Variants in SLC25A21 observed in about 807,000 individuals in gnomAD.
SLC25A21 encodes the protein solute carrier family 25 member 21.
A neutral mutation model predicts 43.8 loss-of-function variants in SLC25A21; 47 were observed. That is an observed-to-expected ratio of 1.07 (90% CI 0.85 to 1.37). The LOEUF is 1.37. SLC25A21 is among the 40% of genes most tolerant of loss of function. The pLI, the probability that SLC25A21 is intolerant of heterozygous loss-of-function variation, is 0.00. For missense variants in SLC25A21, 352 were observed against 350.2 expected, an observed-to-expected ratio of 1.00 and a Z score of -0.04; for synonymous variants, 131 against 121.3, an observed-to-expected ratio of 1.08 and a Z score of -0.52.
chr14:36,847,742 G>C (rs1442541031), intron 2 of SLC25A21, among the ~76,000 whole-genome samples: 5 of 152,180 alleles, frequency 3.3e-5, no homozygotes, highest in African/African-American at 1.2e-4. Context: ...GGGTGCCTGG[G>C]GGTAAACAGC....
intron 1 of SLC25A21, among the ~76,000 whole-genome samples, chr14:37,167,969 T>C (rs1964059869): frequency 6.6e-6 from 1 of 152,158 alleles, no homozygotes; most frequent in South Asian, 2.1e-4. Flanking sequence ...CACAGCTGGC[T>C]CTGAGTGAAT....
chr14:37,165,732 G>A (rs949606646), intron 1 of SLC25A21, among the ~76,000 whole-genome samples: 2 of 152,256 alleles, frequency 1.3e-5, no homozygotes, highest in South Asian at 2.1e-4. Context: ...CTGAGGTTGG[G>A]TACAAAATCC....
intron 3 of SLC25A21, among the ~76,000 whole-genome samples, chr14:36,794,812 A>T (rs1887621244): frequency 6.6e-6 from 1 of 152,106 alleles, no homozygotes; most frequent in South Asian, 2.1e-4. Context: ...TTCTCCAAGG[A>T]ATAAAAATTA....
intron 1 of SLC25A21, among the ~76,000 whole-genome samples, chr14:37,152,703 G>GA (rs1485665146): frequency 1.3e-4 from 19 of 151,760 alleles, no homozygotes; most frequent in Non-Finnish European, 2.7e-4. Context: ...AACACAAGAA[G>GA]AAAAAAACTA....
chr14:36,785,518 G>A (rs1246095994), intron 3 of SLC25A21, among the ~76,000 whole-genome samples: 1 of 152,162 alleles, frequency 6.6e-6, no homozygotes, highest in Admixed American at 6.5e-5. Context: ...CAGCCATAAA[G>A]CTATTTGAGC....
intron 5 of SLC25A21, 35 bp downstream of exon 5, chr14:36,729,472 A>G (rs140510346): frequency 6.8e-7 from 1 of 1,478,886 alleles, no homozygotes; most frequent in Admixed American, 2.3e-5. Flanking sequence ...ATGAAATAAC[A>G]CACACATTTA....
intron 1 of SLC25A21, among the ~76,000 whole-genome samples, chr14:36,906,662 C>T (rs1187889716): frequency 6.6e-6 from 1 of 152,000 alleles, no homozygotes; most frequent in Non-Finnish European, 1.5e-5. Flanking sequence ...TGCGCCACCA[C>T]ACCCAGCTAA....
chr14:36,952,751 A>G (rs545632484), intron 1 of SLC25A21, among the ~76,000 whole-genome samples: 13 of 152,342 alleles, frequency 8.5e-5, no homozygotes, highest in Non-Finnish European at 1.6e-4. Context: ...TTGTGACAAT[A>G]AATCCCCAAA....
intron 2 of SLC25A21, among the ~76,000 whole-genome samples, chr14:36,825,278 T>C (rs1888786738): frequency 6.6e-6 from 1 of 152,184 alleles, no homozygotes; most frequent in South Asian, 2.1e-4. Context: ...CCTCTTTCTC[T>C]TTCTCTTAAC....
Position 36,678,503 on chromosome 14 carries a change from A to G in SLC25A21, c.*2155T>C, listed in dbSNP as rs1882017725. The G allele has an allele frequency of 6.5e-7, 1 of 1,537,080 alleles. No homozygotes were observed. The highest frequency in any genetic ancestry group is 1.2e-5 in the South Asian group (1 of 84,060). ...TCCCAGTCTGGTGAGAAAATAGACT[A>G]TAAACTGAATGGAACAAAGATCCAA... On this transcript the variant is annotated 3_prime_UTR_variant, in exon 10 of 10. Coordinates refer to ENST00000331299, the MANE Select transcript of SLC25A21 (RefSeq NM_030631.4).
chr14:36,961,724 C>G (rs973752134), intron 1 of SLC25A21, among the ~76,000 whole-genome samples: 1 of 152,076 alleles, frequency 6.6e-6, no homozygotes, highest in Non-Finnish European at 1.5e-5. Context: ...AAATATAGGT[C>G]CTTTCAGAGT....
chr14:36,839,957 T>C (rs565127605), intron 2 of SLC25A21, among the ~76,000 whole-genome samples: 2 of 152,184 alleles, frequency 1.3e-5, no homozygotes, highest in Admixed American at 1.3e-4. Context: ...GTATAAGTGG[T>C]TAGTCTTTGA....
chr14:36,902,565 T>C (rs1429644710), intron 1 of SLC25A21, among the ~76,000 whole-genome samples: 1 of 152,256 alleles, frequency 6.6e-6, no homozygotes, highest in Non-Finnish European at 1.5e-5. Context: ...AGGAAGGTGT[T>C]CATAAACTAC....
intron 1 of SLC25A21, among the ~76,000 whole-genome samples, chr14:37,042,581 T>C (rs951770244): frequency 6.6e-6 from 1 of 152,232 alleles, no homozygotes; most frequent in African/African-American, 2.4e-5. Context: ...ATGTAAAATA[T>C]GTCTGTAGAA....
intron 1 of SLC25A21, among the ~76,000 whole-genome samples, chr14:37,124,567 A>G (rs1963265016): frequency 6.6e-6 from 1 of 152,180 alleles, no homozygotes; most frequent in African/African-American, 2.4e-5. Flanking sequence ...TCCTCTCTTA[A>G]GCTCGATGGT....
At position 37,126,432 on chromosome 14, in the gene SLC25A21, G is replaced by T. The variant is rs184701517; in HGVS notation, c.70+45849C>A. Among the ~76,000 whole-genome samples the T allele has an allele frequency of 1.1e-3, 165 of 151,578 alleles. 1 individual carries two copies. Among genetic ancestry groups the T allele is most frequent in the African/African-American group, 3.7e-3 (153 of 41,296 alleles). On this transcript the variant is annotated intron_variant, in intron 1 of 9. Coordinates refer to ENST00000331299, the MANE Select transcript of SLC25A21 (RefSeq NM_030631.4). ...TATACCTAAATTAAGGGCTTCTGTG[G>T]AATTTATTTAATTATACATATAATA...
intron 1 of SLC25A21, among the ~76,000 whole-genome samples, chr14:36,889,668 T>G (rs1891023911): frequency 1.3e-5 from 2 of 151,760 alleles, no homozygotes; most frequent in Admixed American, 6.6e-5. Flanking sequence ...TAATTTTATT[T>G]TTTTTGTAGA....
intron 1 of SLC25A21, among the ~76,000 whole-genome samples, chr14:36,876,765 T>A (rs943106512): frequency 2.0e-5 from 3 of 151,880 alleles, no homozygotes; most frequent in East Asian, 3.9e-4. Flanking sequence ...CTAGAATAAC[T>A]TTGAGGTTTA....
At chr14:36,733,194 T>C (rs1157911609) in intron 4 of SLC25A21, among the ~76,000 whole-genome samples, 1 of 152,212 alleles carries the variant, frequency 6.6e-6, no homozygotes, top group Non-Finnish European at 1.5e-5. Context: ...AACAGATGAG[T>C]ATATTATTCC....
Sources: gnomAD v4.1 joint callset for allele counts (sites outside exome capture counted in the v4.1 genomes callset) on GRCh38, gnomAD v4.1.1 for gene constraint, MANE v1.5 for transcripts, NCBI Gene and HGNC (gene_info 2026-07-23, HGNC 2026-07-21) for gene names.